The following FNDC3B variants were observed in gnomAD, a reference collection of about 807,000 sequenced individuals.
FNDC3B encodes fibronectin type III domain containing 3B, also known as fibronectin type III domain-containing protein 3B.
Under a neutral mutation model 151.5 loss-of-function variants are expected in FNDC3B, and 12 were observed. The observed-to-expected ratio is 0.08, with a 90% CI of 0.05 to 0.13. The LOEUF is 0.13. Among genes scored for constraint, FNDC3B ranks in the 10% least tolerant of loss-of-function variants. The probability of loss-of-function intolerance (pLI) is 1.00; values close to 1 mark genes in which losing one functional copy is unlikely to be tolerated. For synonymous variants in FNDC3B, 528 were observed against 549.0 expected, an observed-to-expected ratio of 0.96 and a Z score of 0.54; for missense variants, 1,214 against 1,505.3, an observed-to-expected ratio of 0.81 and a Z score of 3.20.
intron 3 of FNDC3B, among the ~76,000 whole-genome samples, chr3:172,212,427 C>T (rs1376354233): frequency 1.3e-5 from 2 of 152,148 alleles, no homozygotes; most frequent in Admixed American, 6.6e-5. Flanking sequence ...TGGTCCGTAG[C>T]ACATCTGCAT....
chr3:172,058,355 T>G lies in FNDC3B; in HGVS notation c.-29+18584T>G, dbSNP rs760934638. The stretch of plus-strand genomic sequence containing the variant: ...AAAAATGTGAACCTGTCTTTGTACA[T>G]TCTAATCATATTGCCTTGCAGAGTT... On this transcript the variant is annotated intron_variant, in intron 1 of 25. Transcript: ENST00000415807. 6.6e-5 allele frequency among the ~76,000 whole-genome samples: 10 copies of G among 152,160 alleles called. 1 individual carries two copies. Among genetic ancestry groups the G allele is most frequent in the Middle Eastern group, 6.3e-3 (2 of 316 alleles).
At chr3:172,297,755 T>G (rs1259143011) in intron 8 of FNDC3B, among the ~76,000 whole-genome samples, 2 of 140,108 alleles carry the variant, frequency 1.4e-5, no homozygotes, top group African/African-American at 5.8e-5. Flanking sequence ...ATAACAGGCG[T>G]GAGCCACCGC....
chr3:172,247,500 T>C, intron 4 of FNDC3B, 33 bp from the exon 5 acceptor site: 1 of 1,608,174 alleles, frequency 6.2e-7, no homozygotes, highest in East Asian at 2.2e-5. Flanking sequence ...TGCTAATATG[T>C]ACTGCGTTCT....
At chr3:172,220,466 G>A (rs545797601) in intron 3 of FNDC3B, among the ~76,000 whole-genome samples, 31 of 152,176 alleles carry the variant, frequency 2.0e-4, no homozygotes, top group South Asian at 8.3e-4. Context: ...CATTCTATAG[G>A]ATGTGTTTTC....
intron 3 of FNDC3B, among the ~76,000 whole-genome samples, chr3:172,192,178 T>TG (rs1187239243): frequency 1.2e-5 from 1 of 85,202 alleles, no homozygotes; most frequent in Non-Finnish European, 2.3e-5. Context: ...TGTTTTTTGT[T>TG]TTTTTTTTTT....
intron 3 of FNDC3B, among the ~76,000 whole-genome samples, chr3:172,226,053 A>G (rs186927354): frequency 1.4e-3 from 209 of 152,242 alleles, no homozygotes; most frequent in African/African-American, 5.0e-3. Flanking sequence ...CACAGCTGTA[A>G]TCCCAGCACT....
At chr3:172,201,149 C>CAG (rs1292799543) in intron 3 of FNDC3B, among the ~76,000 whole-genome samples, 1 of 152,158 alleles carries the variant, frequency 6.6e-6, no homozygotes, top group African/African-American at 2.4e-5. Flanking sequence ...AGCTCCCTGC[C>CAG]CCAGCCAGCC....
At chr3:172,350,496 C>T (rs941892701) in intron 21 of FNDC3B, among the ~76,000 whole-genome samples, 3 of 152,128 alleles carry the variant, frequency 2.0e-5, no homozygotes, top group Non-Finnish European at 4.4e-5. Context: ...GAAATACATA[C>T]TTATAAAATA....
intron 8 of FNDC3B, among the ~76,000 whole-genome samples, chr3:172,296,769 C>A (rs1300240630): frequency 6.6e-6 from 1 of 152,214 alleles, no homozygotes; most frequent in Non-Finnish European, 1.5e-5. Context: ...GTCTGAACTG[C>A]ACGGACCCAC....
intron 1 of FNDC3B, among the ~76,000 whole-genome samples, chr3:172,092,956 C>T (rs537864633): frequency 2.0e-5 from 3 of 152,140 alleles, no homozygotes; most frequent in African/African-American, 7.2e-5. Flanking sequence ...TGAGCTGAGA[C>T]TACAGGTGTG....
intron 3 of FNDC3B, among the ~76,000 whole-genome samples, chr3:172,169,262 C>T (rs1210559702): frequency 6.6e-6 from 1 of 152,174 alleles, no homozygotes; most frequent in South Asian, 2.1e-4. Context: ...CATACTCGAG[C>T]CCACCAAAGG....
At chr3:172,254,809 G>A (rs1223923000) in intron 6 of FNDC3B, among the ~76,000 whole-genome samples, 2 of 152,174 alleles carry the variant, frequency 1.3e-5, no homozygotes, top group South Asian at 2.1e-4. Flanking sequence ...GATGTGAGCC[G>A]AGAACAGTTG....
chr3:172,124,756 T>C (rs1216369782), intron 2 of FNDC3B, among the ~76,000 whole-genome samples: 1 of 152,260 alleles, frequency 6.6e-6, no homozygotes, highest in African/African-American at 2.4e-5. Context: ...AAGTTAAAAT[T>C]GTTGGAAACA....
chr3:172,225,018 T>A (rs991527076), intron 3 of FNDC3B, among the ~76,000 whole-genome samples: 1 of 152,244 alleles, frequency 6.6e-6, no homozygotes, highest in East Asian at 1.9e-4. Context: ...ACAGCCAGTT[T>A]CTTTGTAATT....
intron 4 of FNDC3B, among the ~76,000 whole-genome samples, chr3:172,241,316 C>T (rs1727476870): frequency 6.6e-6 from 1 of 151,768 alleles, no homozygotes; most frequent in African/African-American, 2.4e-5. Flanking sequence ...TCTTACAATT[C>T]TAGAGGTTGG....
intron 1 of FNDC3B, among the ~76,000 whole-genome samples, chr3:172,103,266 A>T (rs1719460996): frequency 6.6e-6 from 1 of 152,126 alleles, no homozygotes; most frequent in Non-Finnish European, 1.5e-5. Context: ...GAGATTGTGT[A>T]TATATAGTGA....
intron 6 of FNDC3B, among the ~76,000 whole-genome samples, chr3:172,258,935 C>T (rs777425432): frequency 8.5e-5 from 13 of 152,148 alleles, no homozygotes; most frequent in African/African-American, 2.2e-4. Flanking sequence ...CATGCTCAGA[C>T]GAGGTGTTTT....
chr3:172,370,358 A>G (rs73880152), intron 23 of FNDC3B, among the ~76,000 whole-genome samples: 3,680 of 152,360 alleles, frequency 0.024, 152 homozygotes, highest in African/African-American at 0.085. Flanking sequence ...AAGATTTAAC[A>G]TGATGGAACT....
At chr3:172,320,002 A>G (rs1732003296) in intron 11 of FNDC3B, among the ~76,000 whole-genome samples, 1 of 152,242 alleles carries the variant, frequency 6.6e-6, no homozygotes, top group Non-Finnish European at 1.5e-5. Context: ...GACAACTGAT[A>G]ACCAAATTCA....
Sources: gnomAD v4.1 joint callset for allele counts (sites outside exome capture counted in the v4.1 genomes callset) on GRCh38, gnomAD v4.1.1 for gene constraint, MANE v1.5 for transcripts, NCBI Gene and HGNC (gene_info 2026-07-23, HGNC 2026-07-21) for gene names.